The following EIF4G3 variants were observed in gnomAD, a reference collection of about 807,000 sequenced individuals.
EIF4G3 encodes eIF-4-gamma 3.
EIF4G3 carries 34 observed loss-of-function variants against 186.4 expected under a neutral mutation model. The ratio of observed to expected loss-of-function variants is 0.18; its 90% CI spans 0.14 to 0.24. The LOEUF (loss-of-function observed/expected upper bound fraction) is 0.24. Among genes scored for constraint, EIF4G3 ranks in the 10% least tolerant of loss-of-function variants. The pLI, the probability that EIF4G3 is intolerant of heterozygous loss-of-function variation, is 1.00. For synonymous variants in EIF4G3, 673 were observed against 679.5 expected, an observed-to-expected ratio of 0.99 and a Z score of 0.15; for missense variants, 1,536 against 1,948.5, an observed-to-expected ratio of 0.79 and a Z score of 3.99.
chr1:21,066,135 G>A (rs1293849955), intron 3 of EIF4G3, among the ~76,000 whole-genome samples: 2 of 151,884 alleles, frequency 1.3e-5, no homozygotes, highest in African/African-American at 2.4e-5. Context: ...GCAACAGAGC[G>A]AGACTCTGTC....
At chr1:21,004,273 C>T (rs1044009235) in intron 4 of EIF4G3, among the ~76,000 whole-genome samples, 15 of 152,152 alleles carry the variant, frequency 9.9e-5, no homozygotes, top group African/African-American at 9.7e-5. Context: ...GTAATACACA[C>T]GGCTCATTTA....
At chr1:21,136,877 A>T (rs2097255539) in intron 2 of EIF4G3, among the ~76,000 whole-genome samples, 2 of 152,212 alleles carry the variant, frequency 1.3e-5, no homozygotes, top group Admixed American at 1.3e-4. Flanking sequence ...GAAGTCTTGA[A>T]ATCTGGCTAG....
chr1:21,049,980 A>G (rs576327109), intron 4 of EIF4G3, among the ~76,000 whole-genome samples: 2 of 152,346 alleles, frequency 1.3e-5, no homozygotes, highest in East Asian at 3.8e-4. Context: ...CACCACCTTT[A>G]GCATTATTTT....
At chr1:21,090,870 T>C (rs962330493) in intron 2 of EIF4G3, among the ~76,000 whole-genome samples, 3 of 152,164 alleles carry the variant, frequency 2.0e-5, no homozygotes, top group Admixed American at 6.5e-5. Context: ...ATAGGTAAAA[T>C]AGGCAACTAA....
At chr1:20,826,039 T>C (rs1312466315) in intron 32 of EIF4G3, among the ~76,000 whole-genome samples, 1 of 152,242 alleles carries the variant, frequency 6.6e-6, no homozygotes, top group Non-Finnish European at 1.5e-5. Context: ...GCTGAAAATA[T>C]AGTTGAACCA....
At chr1:20,973,763 A>G (rs867261092) in intron 10 of EIF4G3, among the ~76,000 whole-genome samples, 2 of 152,188 alleles carry the variant, frequency 1.3e-5, no homozygotes, top group South Asian at 2.1e-4. Context: ...GAGTACACCA[A>G]TCTCTTCAAC....
chr1:21,012,671 C>T, intron 4 of EIF4G3, among the ~76,000 whole-genome samples: 1 of 152,180 alleles, frequency 6.6e-6, no homozygotes. Flanking sequence ...AACAAGCTCC[C>T]TGTCCAGACC....
intron 18 of EIF4G3, 123 bp from the exon 19 acceptor site, chr1:20,886,494 T>C (rs2084198742): frequency 4.8e-6 from 4 of 830,048 alleles, no homozygotes; most frequent in Non-Finnish European, 7.2e-6. Flanking sequence ...TACTAGGTAC[T>C]CAAACTGGAG....
At chr1:21,119,166 C>T (rs887977073) in intron 2 of EIF4G3, among the ~76,000 whole-genome samples, 1 of 151,832 alleles carries the variant, frequency 6.6e-6, no homozygotes, top group South Asian at 2.1e-4. Context: ...TATTCTGAAG[C>T]CTATCTAGTT....
intron 2 of EIF4G3, among the ~76,000 whole-genome samples, chr1:21,136,425 G>C (rs993413967): frequency 6.6e-6 from 1 of 151,914 alleles, no homozygotes; most frequent in African/African-American, 2.4e-5. Context: ...GCTGAGGCAG[G>C]AGAATTGCTT....
intron 16 of EIF4G3, among the ~76,000 whole-genome samples, chr1:20,897,683 A>C (rs1017973601): frequency 1.3e-5 from 2 of 152,088 alleles, no homozygotes; most frequent in Non-Finnish European, 2.9e-5. Flanking sequence ...AATGTTTTCC[A>C]CCATATCTTT....
At chr1:21,158,225 G>A (rs111885836) in intron 2 of EIF4G3, among the ~76,000 whole-genome samples, 5 of 145,758 alleles carry the variant, frequency 3.4e-5, no homozygotes, top group Non-Finnish European at 7.5e-5. Flanking sequence ...ACCCAGGCTG[G>A]AGTGGAGTGG....
At chr1:21,123,755 T>C (rs549310025) in intron 2 of EIF4G3, among the ~76,000 whole-genome samples, 2 of 152,220 alleles carry the variant, frequency 1.3e-5, no homozygotes, top group Non-Finnish European at 2.9e-5. Context: ...TCCTAGATTA[T>C]GATTAAGTAA....
intron 3 of EIF4G3, among the ~76,000 whole-genome samples, chr1:21,072,235 T>A (rs566437740): frequency 6.6e-6 from 1 of 152,256 alleles, no homozygotes; most frequent in East Asian, 1.9e-4. Context: ...TACTAAAGTT[T>A]GAAAAGCAAC....
At chr1:20,828,927 C>T (rs1189049490) in intron 31 of EIF4G3, among the ~76,000 whole-genome samples, 1 of 152,160 alleles carries the variant, frequency 6.6e-6, no homozygotes, top group Non-Finnish European at 1.5e-5. Flanking sequence ...TCGCCACTAC[C>T]CTCAACAGAC....
intron 3 of EIF4G3, among the ~76,000 whole-genome samples, chr1:21,081,175 G>A (rs527508622): frequency 6.6e-6 from 1 of 152,328 alleles, no homozygotes; most frequent in East Asian, 1.9e-4. Context: ...GCTCACGCCT[G>A]TAATCCCAGC....
At chr1:21,147,090 A>G (rs1241344624) in intron 2 of EIF4G3, among the ~76,000 whole-genome samples, 3 of 151,200 alleles carry the variant, frequency 2.0e-5, no homozygotes, top group Admixed American at 6.6e-5. Context: ...CTGAAACCCC[A>G]TTTCTACTAA....
At chr1:20,949,296 C>T (rs1573371121) in intron 13 of EIF4G3, among the ~76,000 whole-genome samples, 1 of 152,186 alleles carries the variant, frequency 6.6e-6, no homozygotes, top group East Asian at 1.9e-4. Context: ...CCCAAAGGCA[C>T]AGTATTTATT....
Position 21,033,196 on chromosome 1 carries a change from T to C in EIF4G3, c.-67+17670A>G, listed in dbSNP as rs572079770. Among the ~76,000 whole-genome samples, 5 of 152,332 alleles carry C rather than the reference T, an allele frequency of 3.3e-5. No homozygotes were observed. The South Asian group carries it at 1.0e-3, about 32-fold the overall frequency. On this transcript the variant is annotated intron_variant, in intron 4 of 36. Coordinates refer to ENST00000602326, the MANE Select transcript of EIF4G3 (RefSeq NM_001391906.1). ...TTACCTGATGTGTAAGTTTTTGTTGTTTTTATTTTTTAAACAACAATGCAG... is the reference window on the plus strand; with the variant it reads ...TTACCTGATGTGTAAGTTTTTGTTGCTTTTATTTTTTAAACAACAATGCAG...
Sources: allele counts gnomAD v4.1 joint callset (sites outside exome capture counted in the v4.1 genomes callset), GRCh38; gene constraint gnomAD v4.1.1; transcripts MANE v1.5; gene names NCBI Gene and HGNC (gene_info 2026-07-23, HGNC 2026-07-21).